Variants in ALK observed in about 807,000 individuals in gnomAD.
ALK encodes ALK tyrosine kinase receptor.
A neutral mutation model predicts 163.1 loss-of-function variants in ALK; 74 were observed. That is an observed-to-expected ratio of 0.45 (90% CI 0.38 to 0.55). The LOEUF (loss-of-function observed/expected upper bound fraction) is 0.55, where lower values mean the gene tolerates loss of function less well. Ranked by LOEUF, ALK falls within the 20% of genes least tolerant of loss-of-function variation. ALK has a pLI of 0.00. For missense variants in ALK, 2,063 were observed against 2,105.3 expected (o/e 0.98, Z 0.39); for synonymous variants, 960 against 843.2 (o/e 1.14, Z -2.40).
intron 9 of ALK, among the ~76,000 whole-genome samples, chr2:29,278,956 C>G (rs963560270): frequency 7.0e-6 from 1 of 142,846 alleles, no homozygotes; most frequent in Admixed American, 7.3e-5. Flanking sequence ...GGGGCTTGAG[C>G]GAGTAAATGA....
At chr2:29,512,374 T>C (rs1052335518) in intron 4 of ALK, among the ~76,000 whole-genome samples, 2 of 148,188 alleles carry the variant, frequency 1.3e-5, no homozygotes, top group African/African-American at 2.5e-5. Flanking sequence ...ATCCAGCATA[T>C]AAACAGAGCC....
chr2:29,770,831 G>A (rs979599607), intron 1 of ALK, among the ~76,000 whole-genome samples: 1 of 151,926 alleles, frequency 6.6e-6, no homozygotes, highest in Admixed American at 6.6e-5. Flanking sequence ...GCCAGAAAGA[G>A]AACACGCACA....
intron 1 of ALK, among the ~76,000 whole-genome samples, chr2:29,858,613 C>T (rs1558521704): frequency 6.6e-6 from 1 of 151,864 alleles, no homozygotes; most frequent in Non-Finnish European, 1.5e-5. Flanking sequence ...CGTGGTGGCG[C>T]ACACCTGTAG....
chr2:29,796,884 T>C (rs1481741504), intron 1 of ALK, among the ~76,000 whole-genome samples: 1 of 151,900 alleles, frequency 6.6e-6, no homozygotes, highest in Non-Finnish European at 1.5e-5. Context: ...ATTAGTGTAA[T>C]TTTAGGAGAC....
intron 1 of ALK, among the ~76,000 whole-genome samples, chr2:29,841,978 T>TC (rs1349955736): frequency 6.6e-6 from 1 of 151,916 alleles, no homozygotes; most frequent in Non-Finnish European, 1.5e-5. Context: ...AACGTTCCCT[T>TC]CTCCTTTCCT....
intron 3 of ALK, among the ~76,000 whole-genome samples, chr2:29,656,505 AAT>A (rs1297102564): frequency 6.6e-6 from 1 of 152,212 alleles, no homozygotes; most frequent in Non-Finnish European, 1.5e-5. Flanking sequence ...TAGCTAAGGT[AAT>A]AGTGCTAGCT....
At chr2:29,660,909 G>A (rs1225293763) in intron 3 of ALK, among the ~76,000 whole-genome samples, 3 of 152,052 alleles carry the variant, frequency 2.0e-5, no homozygotes, top group South Asian at 2.1e-4. Flanking sequence ...ATAGAAGAAG[G>A]AGACCACACA....
chr2:29,522,033 G>GA (rs1672828086), intron 4 of ALK, among the ~76,000 whole-genome samples: 1 of 152,150 alleles, frequency 6.6e-6, no homozygotes. Context: ...GCACACCATA[G>GA]AAAAATGCAG....
intron 3 of ALK, among the ~76,000 whole-genome samples, chr2:29,686,120 C>A (rs1678232495): frequency 6.6e-6 from 1 of 152,172 alleles, no homozygotes; most frequent in South Asian, 2.1e-4. Flanking sequence ...TTCACAGGTT[C>A]TAGGGATCGG....
intron 8 of ALK, among the ~76,000 whole-genome samples, chr2:29,315,102 C>T (rs1167887784): frequency 6.6e-6 from 1 of 152,112 alleles, no homozygotes; most frequent in Non-Finnish European, 1.5e-5. Context: ...GAGCTTGTGG[C>T]GGAGAGGAGG....
intron 1 of ALK, among the ~76,000 whole-genome samples, chr2:29,884,252 T>C (rs1666935670): frequency 6.6e-6 from 1 of 152,248 alleles, no homozygotes; most frequent in African/African-American, 2.4e-5. Flanking sequence ...TTCTCACATA[T>C]TATTCATCAT....
chr2:29,780,072 C>G (rs2148349946), intron 1 of ALK, among the ~76,000 whole-genome samples: 1 of 152,348 alleles, frequency 6.6e-6, no homozygotes, highest in East Asian at 1.9e-4. Flanking sequence ...AGTATTGACT[C>G]TGGATCTCTA....
chr2:29,766,538 T>TC (rs1243184044), intron 1 of ALK, among the ~76,000 whole-genome samples: 34 of 152,188 alleles, frequency 2.2e-4, no homozygotes, highest in African/African-American at 8.2e-4. Context: ...AGTGAATATT[T>TC]CCCCTGGGTC....
intron 9 of ALK, 131 bp downstream of exon 9, chr2:29,296,757 G>C (rs2272410): frequency 0.013 from 14,134 of 1,059,580 alleles, 302 homozygotes; most frequent in East Asian, 0.085. Flanking sequence ...GCGTGCACGC[G>C]CACATATCGG....
At chr2:29,496,537 G>C (rs1672028796) in intron 4 of ALK, among the ~76,000 whole-genome samples, 1 of 152,106 alleles carries the variant, frequency 6.6e-6, no homozygotes, top group African/African-American at 2.4e-5. Context: ...GTTAAACTTA[G>C]TATATTATGA....
intron 12 of ALK, among the ~76,000 whole-genome samples, chr2:29,247,815 C>G (rs1040913545): frequency 1.3e-5 from 2 of 152,100 alleles, no homozygotes; most frequent in Admixed American, 6.5e-5. Flanking sequence ...GCCATGCCTC[C>G]AGGATGGGTG....
chr2:29,702,346 G>A (rs574631465), intron 2 of ALK, among the ~76,000 whole-genome samples: 1 of 152,270 alleles, frequency 6.6e-6, no homozygotes, highest in African/African-American at 2.4e-5. Context: ...GAAAGGACCT[G>A]GGCCCAGAGA....
intron 9 of ALK, among the ~76,000 whole-genome samples, chr2:29,283,811 A>C (rs1278405111): frequency 1.3e-5 from 2 of 152,176 alleles, no homozygotes; most frequent in Non-Finnish European, 2.9e-5. Flanking sequence ...GTTTACTAGT[A>C]ACATGTGCTT....
At chr2:29,742,764 G>C (rs909336664) in intron 1 of ALK, among the ~76,000 whole-genome samples, 8 of 152,172 alleles carry the variant, frequency 5.3e-5, no homozygotes, top group African/African-American at 1.9e-4. Flanking sequence ...ACTACAACCT[G>C]AAGAGCTTAT....
Sources: allele counts gnomAD v4.1 joint callset (sites outside exome capture counted in the v4.1 genomes callset), GRCh38; gene constraint gnomAD v4.1.1; transcripts MANE v1.5; gene names NCBI Gene and HGNC (gene_info 2026-07-23, HGNC 2026-07-21).